The following MYH11 variants were observed in gnomAD, a reference collection of about 807,000 sequenced individuals.
The protein encoded by MYH11 is myosin-11.
A neutral mutation model predicts 246.6 loss-of-function variants in MYH11; 80 were observed. The observed-to-expected ratio is 0.32, with a 90% confidence interval of 0.27 to 0.39. The LOEUF is 0.39. MYH11 is among the 10% of genes least tolerant of loss of function. MYH11 has a pLI of 1.00. For missense variants in MYH11, 2,158 were observed against 2,546.8 expected, an observed-to-expected ratio of 0.85 and a Z score of 3.29; for synonymous variants, 1,071 against 1,015.5, an observed-to-expected ratio of 1.05 and a Z score of -1.04.
intron 36 of MYH11, chr16:15,718,654 G>A (rs967095494): frequency 1.5e-6 from 1 of 649,384 alleles, no homozygotes; most frequent in Non-Finnish European, 2.6e-6. Context: ...GGATTGGGAT[G>A]GGGACCAGCA....
intron 20 of MYH11, chr16:15,742,336 T>C: frequency 3.9e-6 from 1 of 257,510 alleles, no homozygotes; most frequent in Non-Finnish European, 7.6e-6. Context: ...CACCTCCCTA[T>C]CAAAGTCATT....
intron 2 of MYH11, among the ~76,000 whole-genome samples, chr16:15,834,051 G>GA (rs1192080952): frequency 6.6e-6 from 1 of 152,076 alleles, no homozygotes; most frequent in Non-Finnish European, 1.5e-5. Flanking sequence ...GATATTTTGG[G>GA]TCTCAGGACC....
At chr16:15,786,121 A>G (rs921428893) in intron 5 of MYH11, 6 of 311,142 alleles carry the variant, frequency 1.9e-5, no homozygotes, top group African/African-American at 1.3e-4. Flanking sequence ...CTGGGACGTT[A>G]CAGAGATTCA....
At chr16:15,805,529 A>G (rs1429076274) in intron 3 of MYH11, among the ~76,000 whole-genome samples, 2 of 152,246 alleles carry the variant, frequency 1.3e-5, no homozygotes, top group Admixed American at 6.5e-5. Context: ...TATCCAAAAA[A>G]TAGAAACAAC....
chr16:15,795,160 T>C (rs2042714299), intron 4 of MYH11, among the ~76,000 whole-genome samples: 1 of 151,420 alleles, frequency 6.6e-6, no homozygotes, highest in Admixed American at 6.6e-5. Context: ...ATACAAAAAT[T>C]AGCTGGGCAT....
At chr16:15,761,109 T>C (rs1489717615) in intron 10 of MYH11, among the ~76,000 whole-genome samples, 3 of 152,136 alleles carry the variant, frequency 2.0e-5, no homozygotes, top group Admixed American at 2.0e-4. Flanking sequence ...TTTATTTGTT[T>C]ATTTATTTAT....
At chr16:15,733,475 C>T (rs1340772295) in intron 26 of MYH11, among the ~76,000 whole-genome samples, 2 of 148,962 alleles carry the variant, frequency 1.3e-5, no homozygotes, top group South Asian at 2.1e-4. Context: ...TCAGGTGATC[C>T]ACCCGCCTCA....
chr16:15,758,448 T>A (rs111997241), intron 12 of MYH11, among the ~76,000 whole-genome samples: 56 of 152,088 alleles, frequency 3.7e-4, no homozygotes, highest in African/African-American at 1.3e-3. Flanking sequence ...GGCGGGAGGA[T>A]CACTTGAGGT....
At chr16:15,733,303 G>A (rs2041020404) in intron 26 of MYH11, among the ~76,000 whole-genome samples, 1 of 152,092 alleles carries the variant, frequency 6.6e-6, no homozygotes, top group Admixed American at 6.6e-5. Context: ...GCGCAATCTT[G>A]GCCCCCTGCA....
chr16:15,704,943 C>T lies in MYH11; in HGVS notation c.5787-820G>A, dbSNP rs3784858. On this transcript the variant is annotated intron_variant, in intron 40 of 40. Coordinates refer to ENST00000300036, the MANE Select transcript of MYH11 (RefSeq NM_002474.3). ...GTTCTCCTACCTTGGCCTCCCAAAG[C>T]GCTGGCATTACAGGCGTGGGCCACC... Among the ~76,000 whole-genome samples, 401 of 152,100 alleles carry T rather than the reference C, an allele frequency of 2.6e-3. 4 individuals are homozygous for T. The East Asian group carries it at 0.036, about 14-fold the overall frequency.
At chr16:15,718,668 T>C (rs2040301748) in intron 36 of MYH11, 6 of 612,328 alleles carry the variant, frequency 9.8e-6, no homozygotes, top group Non-Finnish European at 1.4e-5. Flanking sequence ...ACCAGCACAC[T>C]CCTCCCTGAC....
At chr16:15,809,725 C>T (rs1223023640) in intron 3 of MYH11, among the ~76,000 whole-genome samples, 1 of 152,050 alleles carries the variant, frequency 6.6e-6, no homozygotes, top group Non-Finnish European at 1.5e-5. Context: ...GAGTTCAAGG[C>T]CAGCCTGAAC....
chr16:15,823,254 C>A lies in MYH11; in HGVS notation c.502+1G>T. ...CCCCGTGCAGCCCTGAGTTCACTCACCTTGAAGCATGCTCCGGTAGGCCGT... is the reference window on the plus strand; with the variant it reads ...CCCCGTGCAGCCCTGAGTTCACTCAACTTGAAGCATGCTCCGGTAGGCCGT... On this transcript the variant is annotated splice_donor_variant, in intron 3 of 40. Transcript: ENST00000300036. LOFTEE classifies it high-confidence loss of function. 1 of 1,614,196 alleles carries A rather than the reference C, an allele frequency of 6.2e-7. No individual in the cohort carries two copies. The highest frequency in any genetic ancestry group is 8.5e-7 in the Non-Finnish European group (1 of 1,180,042).
chr16:15,746,091 AG>A (rs1043116317), intron 19 of MYH11, among the ~76,000 whole-genome samples: 6 of 147,592 alleles, frequency 4.1e-5, no homozygotes, highest in African/African-American at 1.5e-4. Context: ...TAATTTTTAA[AG>A]TTTTTTTTTT....
At chr16:15,710,308 G>A (rs892267341) in intron 40 of MYH11, among the ~76,000 whole-genome samples, 4 of 152,048 alleles carry the variant, frequency 2.6e-5, no homozygotes, top group Non-Finnish European at 4.4e-5. Flanking sequence ...GGATCACGAG[G>A]TCAGGAGATC....
rs1438208747 is a variant in MYH11, at chr16:15,718,379, T to A, written c.5231A>T (p.Glu1744Val). 4.4e-6 allele frequency: 7 copies of A among 1,605,506 alleles called. No individual in the cohort carries two copies. Among genetic ancestry groups the A allele is most frequent in the South Asian group, 1.1e-5 (1 of 90,404 alleles). The change falls in exon 37 of 41, where the codon GAG becomes GTG. Residue 1744 changes from glutamate (E) to valine (V), a missense_variant. Physicochemically the swap from Glu to Val is moderately radical, Grantham distance 121. This residue lies in a region of MYH11 where 1,013 missense variants were observed against 993.5 expected (regional missense o/e 1.02). Transcript: ENST00000300036. Reference sequence around the variant, plus strand: ...CATGTTGCCCTGCTCCTCCTCCAGCTCCTCCTCCAGCTGGGCGATCCGGGC... The same window carrying A: ...CATGTTGCCCTGCTCCTCCTCCAGCACCTCCTCCAGCTGGGCGATCCGGGC... The part of the protein sequence containing the change: ...LEARIAQLEE[E>V]LEEEQGNMEA...
At chr16:15,821,028 C>T (rs9889172) in intron 3 of MYH11, among the ~76,000 whole-genome samples, 7,495 of 152,178 alleles carry the variant, frequency 0.049, 661 homozygotes, top group African/African-American at 0.17. Flanking sequence ...TGTGCTACCA[C>T]ACCAAAGTAA....
intron 40 of MYH11, among the ~76,000 whole-genome samples, chr16:15,709,319 G>A (rs2039647922): frequency 1.3e-5 from 2 of 151,592 alleles, no homozygotes; most frequent in East Asian, 2.0e-4. Flanking sequence ...GCTGGTAGAT[G>A]AAAGGATAAG....
At position 15,828,793 on chromosome 16, in the gene MYH11, A is replaced by T. The variant is rs1271178484; in HGVS notation, c.346-5382T>A. 3.5e-4 allele frequency among the ~76,000 whole-genome samples: 51 copies of T among 144,140 alleles called. 1 individual carries two copies. Among genetic ancestry groups the T allele is most frequent in the Admixed American group, 3.5e-3 (51 of 14,754 alleles). The allele number at this position is 144,140 out of a possible 152,430, so 94.6% of individuals were successfully genotyped here. On this transcript the variant is annotated intron_variant, in intron 2 of 40. Coordinates refer to ENST00000300036, the MANE Select transcript of MYH11 (RefSeq NM_002474.3). ...GGGCAACAGAGTGAGACTCTAAAAA[A>T]AAAAAAAAAAGAAGGAAGGAAGGAA... is the stretch of plus-strand genomic sequence containing the variant.
Sources: allele counts gnomAD v4.1 joint callset (sites outside exome capture counted in the v4.1 genomes callset), GRCh38; gene constraint gnomAD v4.1.1; regional missense constraint gnomAD v4.1.1; transcripts MANE v1.5; gene names NCBI Gene and HGNC (gene_info 2026-07-23, HGNC 2026-07-21).